MFSD11: variants seen among roughly 807,000 people sequenced by gnomAD.
MFSD11 encodes the protein UNC93-like protein MFSD11.
A neutral mutation model predicts 53.5 loss-of-function variants in MFSD11; 36 were observed. That is an observed-to-expected ratio of 0.67 (90% CI 0.52 to 0.89). The LOEUF (loss-of-function observed/expected upper bound fraction) is 0.89, where lower values mean the gene tolerates loss of function less well. Ranked by LOEUF, MFSD11 falls within the 40% of genes least tolerant of loss-of-function variation. The pLI, the probability that MFSD11 is intolerant of heterozygous loss-of-function variation, is 0.00. For synonymous variants in MFSD11, 186 were observed against 184.9 expected (o/e 1.01, Z -0.05); for missense variants, 530 against 543.9 (o/e 0.97, Z 0.25).
chr17:76,797,580 C>T, the MFSD11 span, among the ~76,000 whole-genome samples: 1 of 152,118 alleles, frequency 6.6e-6, no homozygotes, highest in Non-Finnish European at 1.5e-5. Context: ...TATTTATTAT[C>T]AGGGTCTTTA....
downstream of MFSD11, among the ~76,000 whole-genome samples, chr17:76,779,875 C>T (rs899171289): frequency 1.3e-5 from 2 of 152,142 alleles, no homozygotes; most frequent in African/African-American, 4.8e-5. Context: ...CTTTTGCTAG[C>T]AATTTTCCTG....
chr17:76,764,011 T>C (rs2080548953), intron 8 of MFSD11, among the ~76,000 whole-genome samples: 1 of 152,058 alleles, frequency 6.6e-6, no homozygotes, highest in Non-Finnish European at 1.5e-5. Flanking sequence ...TACAGGGGTA[T>C]ACCACCATGC....
intron 8 of MFSD11, among the ~76,000 whole-genome samples, chr17:76,762,401 T>C (rs2080345431): frequency 6.6e-6 from 1 of 152,132 alleles, no homozygotes; most frequent in Non-Finnish European, 1.5e-5. Context: ...GCTTTGCCAG[T>C]TTGGCTGAGC....
At chr17:76,765,157 G>A (rs890790196) in intron 8 of MFSD11, among the ~76,000 whole-genome samples, 2 of 152,014 alleles carry the variant, frequency 1.3e-5, no homozygotes, top group African/African-American at 4.8e-5. Flanking sequence ...TTAGGTCTGT[G>A]ATTCATTTTC....
chr17:76,754,591 G>C (rs919014231), intron 8 of MFSD11, among the ~76,000 whole-genome samples: 2 of 150,862 alleles, frequency 1.3e-5, no homozygotes, highest in Admixed American at 6.7e-5. Flanking sequence ...GGCTGAGGCA[G>C]GAGAATTGCT....
At chr17:76,767,703 A>G (rs926678365) in intron 9 of MFSD11, among the ~76,000 whole-genome samples, 2 of 152,154 alleles carry the variant, frequency 1.3e-5, no homozygotes, top group Non-Finnish European at 2.9e-5. Flanking sequence ...GACCCCCTCC[A>G]TAAGATCACC....
chr17:76,762,155 C>T (rs995901642), intron 8 of MFSD11, among the ~76,000 whole-genome samples: 3 of 152,106 alleles, frequency 2.0e-5, no homozygotes, highest in African/African-American at 7.2e-5. Flanking sequence ...ACCCATTCCT[C>T]TACTTTGTCT....
intron 10 of MFSD11, among the ~76,000 whole-genome samples, chr17:76,773,828 G>T (rs978626735): frequency 1.3e-5 from 2 of 152,104 alleles, no homozygotes; most frequent in Admixed American, 1.3e-4. Flanking sequence ...GGATGGTCTT[G>T]ATCTCTTGAC....
chr17:76,754,166 C>A, intron 8 of MFSD11, 79 bp downstream of exon 8: 1 of 1,221,518 alleles, frequency 8.2e-7, no homozygotes, highest in South Asian at 1.3e-5. Context: ...TCCCTGGTAA[C>A]TTTGGATTGA....
the MFSD11 span, chr17:76,799,239 C>T: frequency 6.6e-6 from 1 of 151,870 alleles, no homozygotes; most frequent in Non-Finnish European, 1.5e-5. Context: ...CTCAGCCTCC[C>T]AAGTAGCTGG....
intron 8 of MFSD11, among the ~76,000 whole-genome samples, chr17:76,762,037 C>G (rs748397257): frequency 1.3e-5 from 2 of 152,050 alleles, no homozygotes; most frequent in Non-Finnish European, 2.9e-5. Context: ...TCACTTTACT[C>G]AATTTTAGAG....
Position 76,740,976 on chromosome 17 carries a change from G to T in MFSD11, c.172G>T (p.Val58Leu). ...GYTSMAIIYGVFSASNLITPS... is the reference protein window; with the variant it reads ...GYTSMAIIYGLFSASNLITPS... ...GTGCAGCATGGCTATTATCTATGGAGTGTTCTCTGCTTCAAATTTGATTAC... is the reference window on the plus strand; with the variant it reads ...GTGCAGCATGGCTATTATCTATGGATTGTTCTCTGCTTCAAATTTGATTAC... The change falls in exon 3 of 13, where the codon GTG becomes TTG. Residue 58 changes from valine (V) to leucine (L), a missense_variant. Physicochemically the swap from Val to Leu is conservative, Grantham distance 32. Coordinates refer to ENST00000685175, the MANE Select transcript of MFSD11 (RefSeq NM_001242532.5). 1 of 1,599,494 alleles carries T rather than the reference G, an allele frequency of 6.3e-7. No individual in the cohort carries two copies. The highest frequency in any genetic ancestry group is 8.6e-7 in the Non-Finnish European group (1 of 1,168,840).
chr17:76,741,831 C>T, intron 3 of MFSD11, 138 bp from the exon 4 acceptor site: 3 of 1,374,586 alleles, frequency 2.2e-6, no homozygotes, highest in Non-Finnish European at 3.0e-6. Flanking sequence ...GATTGTGTCC[C>T]TTTTTTCAAA....
chr17:76,795,863 C>T, the MFSD11 span, among the ~76,000 whole-genome samples: 52 of 146,632 alleles, frequency 3.5e-4, 1 homozygote, highest in South Asian at 6.3e-3. Context: ...GACGGGGTTT[C>T]ACCATGTTGG....
intron 8 of MFSD11, among the ~76,000 whole-genome samples, chr17:76,766,436 A>G (rs1229501268): frequency 6.6e-6 from 1 of 151,108 alleles, no homozygotes; most frequent in African/African-American, 2.4e-5. Context: ...AAAAAAAAAA[A>G]GAAAGAAACC....
intron 10 of MFSD11, among the ~76,000 whole-genome samples, chr17:76,771,226 C>T (rs1234882533): frequency 6.6e-6 from 1 of 152,202 alleles, no homozygotes; most frequent in East Asian, 1.9e-4. Context: ...GCCCCCTTAG[C>T]GTAAACTTCA....
chr17:76,755,782 G>GTATATATATATATA (rs1234863900), intron 8 of MFSD11, among the ~76,000 whole-genome samples: 1 of 29,152 alleles, frequency 3.4e-5, no homozygotes, highest in Non-Finnish European at 9.9e-5. Flanking sequence ...GTGTGTGTGT[G>GTATATATATATATA]TGTGTATACA....
At chr17:76,773,156 G>A (rs2081519980) in intron 10 of MFSD11, 1 of 152,346 alleles carries the variant, frequency 6.6e-6, no homozygotes, top group Non-Finnish European at 1.5e-5. Flanking sequence ...CAGCTCTCTG[G>A]AATTGTTTTT....
chr17:76,763,744 CTT>C (rs2080518970), intron 8 of MFSD11, among the ~76,000 whole-genome samples: 1 of 151,742 alleles, frequency 6.6e-6, no homozygotes, highest in African/African-American at 2.4e-5. Context: ...TATAGATTGA[CTT>C]TTCATTTTCT....
Sources: gnomAD v4.1 joint callset for allele counts (sites outside exome capture counted in the v4.1 genomes callset) on GRCh38, gnomAD v4.1.1 for gene constraint, MANE v1.5 for transcripts, NCBI Gene and HGNC (gene_info 2026-07-23, HGNC 2026-07-21) for gene names.